FMN1: variants seen among roughly 807,000 people sequenced by gnomAD.
FMN1 encodes the protein formin 1, also known as formin-1.
A neutral mutation model predicts 132.4 loss-of-function variants in FMN1; 110 were observed. That is an observed-to-expected ratio of 0.83 (90% CI 0.71 to 0.97). The LOEUF (loss-of-function observed/expected upper bound fraction) is 0.97. Ranked by LOEUF, FMN1 falls within the 50% of genes least tolerant of loss-of-function variation. The pLI is 0.00. For missense variants in FMN1, 1,792 were observed against 1,705.3 expected (o/e 1.05, Z -0.90); for synonymous variants, 722 against 651.7 (o/e 1.11, Z -1.64).
Position 32,900,039 on chromosome 15 carries a change from C to T in FMN1, c.3594G>A (p.Arg1198=), listed in dbSNP as rs2141591066. ...GNYMNGGNRT[R]GQADGYSLEI... ...CTAAGCTATATCCATCGGCTTGTCC[C>T]CGAGTCCTATTTCCTCCATTCATAT... Residue 1198 remains arginine, a synonymous_variant, in exon 14 of 21, where the codon CGG becomes CGA. Coordinates refer to ENST00000616417, the MANE Select transcript of FMN1 (RefSeq NM_001277313.2). 5 of 1,613,918 alleles carry T rather than the reference C, an allele frequency of 3.1e-6. No homozygotes were observed. Among genetic ancestry groups the T allele is most frequent in the Non-Finnish European group, 4.2e-6 (5 of 1,179,866 alleles).
chr15:33,069,999 T>TTC lies in FMN1; in HGVS notation c.2044-4926_2044-4925insGA, dbSNP rs1402629486. The stretch of plus-strand genomic sequence containing the variant: ...TCATAAGATCAGTCTTTCTCTTTTT[T>TTC]TTTTTTTTTTTTTTTTTTTTTTTGA... On this transcript the variant is annotated intron_variant, in intron 5 of 20. Coordinates refer to ENST00000616417, the MANE Select transcript of FMN1 (RefSeq NM_001277313.2). Among the ~76,000 whole-genome samples, 6 of 126,692 alleles carry TTC rather than the reference T, an allele frequency of 4.7e-5. No individual in the cohort carries two copies. In the East Asian group the frequency reaches 1.3e-3, roughly 27 times the overall value. 83.1% of individuals were successfully genotyped at this position (126,692 alleles called of 152,430 possible).
intron 9 of FMN1, among the ~76,000 whole-genome samples, chr15:32,959,329 T>A (rs1454163137): frequency 1.3e-5 from 2 of 152,174 alleles, no homozygotes; most frequent in East Asian, 3.9e-4. Flanking sequence ...AACAAACATC[T>A]GACTCTCAGA....
chr15:32,877,679 G>C (rs898017914), intron 16 of FMN1, among the ~76,000 whole-genome samples: 4 of 152,106 alleles, frequency 2.6e-5, no homozygotes, highest in Non-Finnish European at 4.4e-5. Flanking sequence ...GCAAGCAGTG[G>C]GTGAGGAACC....
chr15:33,028,076 T>C (rs1327857784), intron 6 of FMN1, among the ~76,000 whole-genome samples: 1 of 152,230 alleles, frequency 6.6e-6, no homozygotes, highest in Non-Finnish European at 1.5e-5. Flanking sequence ...TTCCAGTGGC[T>C]TTAAACATTG....
intron 10 of FMN1, among the ~76,000 whole-genome samples, chr15:32,921,285 T>C (rs1163272742): frequency 2.6e-5 from 4 of 152,162 alleles, no homozygotes; most frequent in African/African-American, 9.7e-5. Flanking sequence ...GAACTGTTCA[T>C]TCAAAATGTG....
chr15:32,815,020 G>C (rs2058010889), intron 17 of FMN1, among the ~76,000 whole-genome samples: 1 of 152,080 alleles, frequency 6.6e-6, no homozygotes, highest in Non-Finnish European at 1.5e-5. Context: ...TCGGCTCACT[G>C]CAAGCTCCGC....
At chr15:33,031,125 T>C (rs1596510270) in intron 6 of FMN1, among the ~76,000 whole-genome samples, 2 of 152,204 alleles carry the variant, frequency 1.3e-5, no homozygotes, top group South Asian at 4.1e-4. Flanking sequence ...CACAAACAGC[T>C]TAAATGGTTG....
intron 17 of FMN1, among the ~76,000 whole-genome samples, chr15:32,827,544 C>A (rs567898704): frequency 2.0e-5 from 3 of 152,090 alleles, no homozygotes; most frequent in Non-Finnish European, 2.9e-5. Context: ...ATCTTTTTAA[C>A]GACCCAATGA....
chr15:32,891,327 A>G (rs1336345952), intron 15 of FMN1, among the ~76,000 whole-genome samples: 2 of 152,174 alleles, frequency 1.3e-5, no homozygotes, highest in Non-Finnish European at 2.9e-5. Context: ...GGCTCATTGC[A>G]GGCTCTACCT....
At chr15:32,908,366 G>T in intron 12 of FMN1, 124 bp downstream of exon 12, 2 of 654,842 alleles carry the variant, frequency 3.1e-6, no homozygotes, top group Non-Finnish European at 5.4e-6. Context: ...ACAGGTCACA[G>T]GAATGACGGT....
intron 16 of FMN1, among the ~76,000 whole-genome samples, chr15:32,882,915 A>G (rs2059805331): frequency 6.6e-6 from 1 of 152,278 alleles, no homozygotes; most frequent in African/African-American, 2.4e-5. Context: ...CCACACTTTC[A>G]TCGGAGTGGA....
At chr15:32,855,661 T>C (rs1288589486) in intron 17 of FMN1, among the ~76,000 whole-genome samples, 2 of 152,200 alleles carry the variant, frequency 1.3e-5, no homozygotes, top group East Asian at 1.9e-4. Flanking sequence ...CAAAATTTTC[T>C]AGAAATAGAA....
At position 32,874,827 on chromosome 15, in the gene FMN1, G is replaced by A. The variant is rs2059600764; in HGVS notation, c.3835+13345C>T. ...TGATTGAAAAGGTCAAACAAGATCT[G>A]TCTCGTATTCTGTAGTTTTTTCTTT... On this transcript the variant is annotated intron_variant, in intron 16 of 20. Transcript: ENST00000616417. Among the ~76,000 whole-genome samples the A allele has an allele frequency of 3.1e-5, 4 of 129,892 alleles. No homozygotes were observed. In the South Asian group the frequency reaches 1.0e-3, roughly 34 times the overall value. The allele number at this position is 129,892 out of a possible 152,430, so 85.2% of individuals were successfully genotyped here. A position where few individuals can be genotyped will look rare whatever the true frequency, so the allele number is the denominator to read the frequency against.
At chr15:33,185,512 T>C (rs1254372058) in intron 2 of FMN1, among the ~76,000 whole-genome samples, 1 of 151,868 alleles carries the variant, frequency 6.6e-6, no homozygotes, top group Non-Finnish European at 1.5e-5. Context: ...CTTTACTTTT[T>C]AGAGAAGTCT....
rs554993041 is a variant in FMN1 at position 32,894,471 on chromosome 15, G to A, written c.3714+4363C>T. Among the ~76,000 whole-genome samples the A allele has an allele frequency of 3.7e-3, 552 of 149,286 alleles. 3 individuals carry two copies. Among genetic ancestry groups the A allele is most frequent in the African/African-American group, 0.013 (529 of 40,008 alleles). ...TGCACTGCAGCCTGGGTGACAGAGC[G>A]AGACTCCATCTCAATTAAAAAAAAA... On this transcript the variant is annotated intron_variant, in intron 15 of 20. Coordinates refer to ENST00000616417, the MANE Select transcript of FMN1 (RefSeq NM_001277313.2).
chr15:33,158,099 A>C (rs911072373), intron 3 of FMN1, among the ~76,000 whole-genome samples: 1 of 152,172 alleles, frequency 6.6e-6, no homozygotes, highest in African/African-American at 2.4e-5. Context: ...CATCCCTTAA[A>C]CAATAAAATC....
intron 18 of FMN1, among the ~76,000 whole-genome samples, chr15:32,800,451 G>A (rs918269679): frequency 6.6e-6 from 1 of 152,176 alleles, no homozygotes; most frequent in African/African-American, 2.4e-5. Flanking sequence ...TTATTTCCAT[G>A]GCAGTCCAAA....
chr15:32,985,670 G>A (rs1450604973), intron 7 of FMN1, among the ~76,000 whole-genome samples: 1 of 152,108 alleles, frequency 6.6e-6, no homozygotes, highest in African/African-American at 2.4e-5. Flanking sequence ...ATAGCTGACT[G>A]TGACTACATT....
chr15:32,798,825 C>T lies in FMN1; in HGVS notation c.4109G>A (p.Ser1370Asn). The change falls in exon 19 of 21, where the codon AGT becomes AAT. Residue 1370 changes from serine to asparagine, a missense_variant. Physicochemically the swap from Ser to Asn is conservative, Grantham distance 46. Around this residue, in one of 3 missense-constraint regions of FMN1, gnomAD observed 1,150 missense variants for 1,043.1 expected, o/e 1.10. Coordinates refer to ENST00000616417, the MANE Select transcript of FMN1 (RefSeq NM_001277313.2). Reference sequence around the variant, plus strand: ...TTACCTTTCTTTAGATATGTTTTTACTCTCCCGTTTCCAAATTGTCTTGAA... The same window carrying T: ...TTACCTTTCTTTAGATATGTTTTTATTCTCCCGTTTCCAAATTGTCTTGAA... ...SDFKTIWKRESKNISKERLKM... is the reference protein window; with the variant it reads ...SDFKTIWKRENKNISKERLKM... 1.2e-6 allele frequency: 2 copies of T among 1,613,014 alleles called. No homozygotes were observed. The highest frequency in any genetic ancestry group is 8.5e-7 in the Non-Finnish European group (1 of 1,179,482).
Sources: allele counts gnomAD v4.1 joint callset (sites outside exome capture counted in the v4.1 genomes callset), GRCh38; gene constraint gnomAD v4.1.1; regional missense constraint gnomAD v4.1.1; transcripts MANE v1.5; gene names NCBI Gene and HGNC (gene_info 2026-07-23, HGNC 2026-07-21).